SHCBP1L: variants seen among roughly 807,000 people sequenced by gnomAD.
SHCBP1L encodes SHC binding and spindle associated 1 like.
In SHCBP1L, 67 loss-of-function variants were observed where a neutral mutation model predicts 62.5. The observed-to-expected ratio is 1.07, with a 90% CI of 0.88 to 1.31. The LOEUF (loss-of-function observed/expected upper bound fraction) is 1.31, where lower values mean the gene tolerates loss of function less well. Among genes scored for constraint, SHCBP1L ranks in the 40% most tolerant of loss-of-function variants. SHCBP1L has a pLI of 0.00. For synonymous variants in SHCBP1L, 284 were observed against 289.4 expected (o/e 0.98, Z 0.19); for missense variants, 823 against 809.8 (o/e 1.02, Z -0.20).
Position 182,939,264 on chromosome 1 carries a change from C to T in SHCBP1L, c.988G>A (p.Ala330Thr). 3.7e-6 allele frequency: 6 copies of T among 1,613,984 alleles called. No homozygotes were observed. The highest frequency in any genetic ancestry group is 5.1e-6 in the Non-Finnish European group (6 of 1,179,930). The stretch of plus-strand genomic sequence containing the variant: ...TTCCAGCATTCAACAGCCTCTGCTG[C>T]AGATGGATCTTCTTTAATATTGCTC... ...YQSNIKEDPS[A>T]AEAVECWKKY... is the part of the protein sequence containing the mutation. The change falls in exon 5 of 10, where the codon GCA becomes ACA. Residue 330 changes from alanine (A) to threonine (T), a missense_variant. Ala to Thr is a moderately conservative substitution (Grantham distance 58). Coordinates refer to ENST00000367547, the MANE Select transcript of SHCBP1L (RefSeq NM_030933.4).
In SHCBP1L at chr1:182,924,717, A is replaced by G. The variant is rs1184105359; in HGVS notation, c.1182+4930T>C. 5.2e-3 allele frequency among the ~76,000 whole-genome samples: 306 copies of G among 58,532 alleles called. 3 individuals are homozygous for G. The highest frequency in any genetic ancestry group is 0.02 in the Middle Eastern group (3 of 150). The allele number at this position is 58,532 out of a possible 152,430, so 38.4% of individuals were successfully genotyped here. On this transcript the variant is annotated intron_variant, in intron 6 of 9. Transcript: ENST00000367547. ...AAAGGAAAGGAAGAAAGAAAGAAAG[A>G]AAGAAAGAAAGAAAGAAAGAAAGAA...
At chr1:182,923,264 G>A (rs1177505231) in intron 6 of SHCBP1L, among the ~76,000 whole-genome samples, 1 of 152,074 alleles carries the variant, frequency 6.6e-6, no homozygotes, top group Non-Finnish European at 1.5e-5. Flanking sequence ...ATCAGAAAAA[G>A]CCCTGAATGA....
chr1:182,950,121 C>T (rs922450177), intron 2 of SHCBP1L, among the ~76,000 whole-genome samples: 8 of 152,162 alleles, frequency 5.3e-5, no homozygotes, highest in African/African-American at 1.9e-4. Flanking sequence ...GACTTTTCCA[C>T]AGAACACATA....
intron 6 of SHCBP1L, among the ~76,000 whole-genome samples, chr1:182,916,669 GT>G (rs1650365628): frequency 6.6e-6 from 1 of 152,020 alleles, no homozygotes; most frequent in Non-Finnish European, 1.5e-5. Context: ...GAAACACACA[GT>G]TTACCAAAAC....
chr1:182,929,460 T>C (rs1467357275), intron 6 of SHCBP1L, among the ~76,000 whole-genome samples, 187 bp downstream of exon 6: 2 of 152,192 alleles, frequency 1.3e-5, no homozygotes, highest in African/African-American at 4.8e-5. Context: ...GGCTACAAGG[T>C]TAGTACTCAG....
In SHCBP1L at chr1:182,952,221, TATATATATATATATAC is replaced by T. The variant is rs1392068945; in HGVS notation, c.405+492_405+507del. Among the ~76,000 whole-genome samples, 83 of 63,830 alleles carry T rather than the reference TATATATATATATATAC, an allele frequency of 1.3e-3. 1 individual carries two copies. The highest frequency in any genetic ancestry group is 7.0e-3 in the East Asian group (14 of 1,988). The allele number at this position is 63,830 out of a possible 152,430, so 41.9% of individuals were successfully genotyped here. A position where few individuals can be genotyped will look rare whatever the true frequency, so the allele number is the denominator to read the frequency against. ...ATATATATATATATATATATATATA[TATATATATATATATAC>T]ACACACACACACACACACACACATT... On this transcript the variant is annotated intron_variant, in intron 1 of 9. Transcript: ENST00000367547.
At chr1:182,942,650 G>T (rs1323103733) in intron 2 of SHCBP1L, among the ~76,000 whole-genome samples, 3 of 152,182 alleles carry the variant, frequency 2.0e-5, no homozygotes, top group Non-Finnish European at 4.4e-5. Context: ...CAGAACCAAA[G>T]TTGATAGTTT....
intron 5 of SHCBP1L, among the ~76,000 whole-genome samples, chr1:182,930,945 TGA>T (rs1650979826): frequency 1.3e-5 from 2 of 148,466 alleles, no homozygotes; most frequent in Non-Finnish European, 3.0e-5. Flanking sequence ...AAGCTGGTCT[TGA>T]ACTCCTGGCC....
chr1:182,946,885 T>C (rs1651584317), intron 2 of SHCBP1L, among the ~76,000 whole-genome samples: 1 of 152,200 alleles, frequency 6.6e-6, no homozygotes, highest in South Asian at 2.1e-4. Context: ...GTTTTACACG[T>C]TGATGTTTCC....
chr1:182,904,324 T>C lies in SHCBP1L; in HGVS notation c.1443A>G (p.Gln481=), dbSNP rs777007097. ...NVKLMHLSLI[Q]QGTVDGIVVV... ...CCACGATACCATCAACCGTCCCTTGTTGTATCAAAGATAGATGCATTAGTT... is the reference window on the plus strand; with the variant it reads ...CCACGATACCATCAACCGTCCCTTGCTGTATCAAAGATAGATGCATTAGTT... Residue 481 remains glutamine, a synonymous_variant, in exon 8 of 10, where the codon CAA becomes CAG. Coordinates refer to ENST00000367547, the MANE Select transcript of SHCBP1L (RefSeq NM_030933.4). 89 of 1,614,042 alleles carry C rather than the reference T, an allele frequency of 5.5e-5. No homozygotes were observed. In the Admixed American group the frequency reaches 1.5e-3, roughly 26 times the overall value.
intron 6 of SHCBP1L, among the ~76,000 whole-genome samples, chr1:182,928,181 ACT>A (rs141708690): frequency 0.15 from 23,159 of 151,822 alleles, 2,464 homozygotes; most frequent in African/African-American, 0.3. Flanking sequence ...ATCTTTCATC[ACT>A]CTCTTAGATG....
At chr1:182,926,429 T>C (rs769606018) in intron 6 of SHCBP1L, among the ~76,000 whole-genome samples, 12 of 152,208 alleles carry the variant, frequency 7.9e-5, no homozygotes, top group Admixed American at 2.6e-4. Flanking sequence ...AAAATAGTAA[T>C]AATAATATCA....
intron 2 of SHCBP1L, among the ~76,000 whole-genome samples, chr1:182,949,070 T>G (rs1651663544): frequency 6.6e-6 from 1 of 152,132 alleles, no homozygotes; most frequent in Admixed American, 6.6e-5. Flanking sequence ...AGGTAAAACC[T>G]TAGAAATTGA....
At chr1:182,912,977 A>G (rs1650236637) in intron 6 of SHCBP1L, among the ~76,000 whole-genome samples, 1 of 151,778 alleles carries the variant, frequency 6.6e-6, no homozygotes, top group Non-Finnish European at 1.5e-5. Flanking sequence ...TCTACTAAAA[A>G]TACAAAAATT....
rs78092138 is a variant in SHCBP1L at position 182,948,313 on chromosome 1, A to C, written c.555+3005T>G. Reference sequence around the variant, plus strand: ...CTAATCTGTGAATATGTTACCTTACATGGCAAAATGGACTTCACAGATGTG... The same window carrying C: ...CTAATCTGTGAATATGTTACCTTACCTGGCAAAATGGACTTCACAGATGTG... On this transcript the variant is annotated intron_variant, in intron 2 of 9. Transcript: ENST00000367547. Among the ~76,000 whole-genome samples the C allele has an allele frequency of 5.3e-4, 80 of 152,368 alleles. 1 individual carries two copies. The East Asian group carries it at 0.013, about 25-fold the overall frequency.
chr1:182,906,168 T>G (rs57927757), intron 6 of SHCBP1L, among the ~76,000 whole-genome samples: 14,115 of 152,060 alleles, frequency 0.093, 957 homozygotes, highest in African/African-American at 0.18. Context: ...ACTCCTGACC[T>G]CAGGCAATCC....
At chr1:182,914,727 T>C (rs1447254937) in intron 6 of SHCBP1L, among the ~76,000 whole-genome samples, 1 of 151,998 alleles carries the variant, frequency 6.6e-6, no homozygotes, top group Non-Finnish European at 1.5e-5. Context: ...AAAAAAAAGA[T>C]ATTACTTGTA....
chr1:182,918,091 CAT>C (rs1410339562), intron 6 of SHCBP1L, among the ~76,000 whole-genome samples: 3 of 149,016 alleles, frequency 2.0e-5, no homozygotes, highest in Admixed American at 6.8e-5. Context: ...TATATATACA[CAT>C]ATATATGTAT....
intron 6 of SHCBP1L, among the ~76,000 whole-genome samples, chr1:182,906,695 G>A (rs1242499848): frequency 2.7e-5 from 4 of 150,414 alleles, no homozygotes; most frequent in Non-Finnish European, 5.9e-5. Context: ...GCCTCCCAAA[G>A]TGCATGAGCC....
Sources: allele counts gnomAD v4.1 joint callset (sites outside exome capture counted in the v4.1 genomes callset), GRCh38; gene constraint gnomAD v4.1.1; transcripts MANE v1.5; gene names NCBI Gene and HGNC (gene_info 2026-07-23, HGNC 2026-07-21).